Variants in GASK1A observed in about 807,000 individuals in gnomAD.
The protein encoded by GASK1A is golgi associated kinase 1A, also known as Golgi-associated kinase 1A.
In GASK1A, 40 loss-of-function variants were observed where a neutral mutation model predicts 41.2. The observed-to-expected ratio is 0.97, with a 90% CI of 0.75 to 1.27. The LOEUF is 1.27. Among genes scored for constraint, GASK1A ranks in the 50% most tolerant of loss-of-function variants. The pLI is 0.00. For missense variants in GASK1A, 678 were observed against 745.1 expected, an observed-to-expected ratio of 0.91 and a Z score of 1.05; for synonymous variants, 316 against 307.1, an observed-to-expected ratio of 1.03 and a Z score of -0.30.
intron 1 of GASK1A, among the ~76,000 whole-genome samples, chr3:43,015,188 A>G (rs1484359660): frequency 1.3e-5 from 2 of 149,224 alleles, no homozygotes; most frequent in South Asian, 2.2e-4. Context: ...GTGGTGTGAA[A>G]TAACAGGGAG....
intron 2 of GASK1A, among the ~76,000 whole-genome samples, 173 bp downstream of exon 2, chr3:43,033,726 T>G (rs1317548925): frequency 6.6e-6 from 1 of 152,160 alleles, no homozygotes; most frequent in Non-Finnish European, 1.5e-5. Context: ...TATCCAGTGG[T>G]TACTGGAGCC....
intron 2 of GASK1A, among the ~76,000 whole-genome samples, chr3:43,035,086 C>A (rs1259147450): frequency 6.6e-6 from 1 of 152,174 alleles, no homozygotes; most frequent in Non-Finnish European, 1.5e-5. Context: ...GGCATCAGAC[C>A]AACCTGGGTT....
intron 1 of GASK1A, among the ~76,000 whole-genome samples, chr3:43,008,838 G>A (rs970506481): frequency 2.0e-5 from 3 of 152,164 alleles, no homozygotes; most frequent in African/African-American, 2.4e-5. Flanking sequence ...CTCTTCACAC[G>A]CTTTCCTCTC....
At chr3:42,986,757 A>T (rs1021758185) in intron 1 of GASK1A, among the ~76,000 whole-genome samples, 1 of 152,104 alleles carries the variant, frequency 6.6e-6, no homozygotes, top group African/African-American at 2.4e-5. Flanking sequence ...TGCATTTTAG[A>T]GAGCGGTTTT....
At chr3:43,027,003 T>C (rs1260331068) in intron 1 of GASK1A, among the ~76,000 whole-genome samples, 4 of 152,166 alleles carry the variant, frequency 2.6e-5, no homozygotes, top group Non-Finnish European at 5.9e-5. Context: ...GAAAGAATTC[T>C]TAGGGCAGCC....
chr3:42,997,924 G>C (rs2089385542), intron 1 of GASK1A, among the ~76,000 whole-genome samples: 1 of 152,182 alleles, frequency 6.6e-6, no homozygotes, highest in African/African-American at 2.4e-5. Flanking sequence ...GCTCGGTCCT[G>C]CTGGGAACTT....
intron 2 of GASK1A, among the ~76,000 whole-genome samples, chr3:43,033,909 G>A (rs1466352291): frequency 6.6e-6 from 1 of 152,186 alleles, no homozygotes; most frequent in Non-Finnish European, 1.5e-5. Context: ...TATAATCTGT[G>A]CTTTTGCAGC....
intron 1 of GASK1A, among the ~76,000 whole-genome samples, chr3:42,980,042 A>G (rs145780336): frequency 2.6e-3 from 397 of 152,306 alleles, no homozygotes; most frequent in African/African-American, 9.1e-3. Flanking sequence ...GTTCATGTGA[A>G]TTTTATACTA....
intron 1 of GASK1A, among the ~76,000 whole-genome samples, chr3:43,010,567 G>T (rs1460138837): frequency 6.6e-6 from 1 of 152,186 alleles, no homozygotes; most frequent in African/African-American, 2.4e-5. Context: ...TTTCATGAGG[G>T]TGGAGAATTC....
At chr3:43,026,955 G>A (rs1181119285) in intron 1 of GASK1A, among the ~76,000 whole-genome samples, 1 of 152,190 alleles carries the variant, frequency 6.6e-6, no homozygotes, top group East Asian at 1.9e-4. Context: ...AGTCAACACT[G>A]ATAGATCTTA....
chr3:43,039,964 G>T (rs913433431), intron 2 of GASK1A, among the ~76,000 whole-genome samples: 47 of 152,238 alleles, frequency 3.1e-4, no homozygotes, highest in Admixed American at 2.6e-3. Context: ...ATTTCCCTTA[G>T]ATTCAATTGT....
At position 42,986,166 on chromosome 3, in the gene GASK1A, T is replaced by C. The variant is rs149004213; in HGVS notation, c.3+6521T>C. ...GCAATAGAAAAGAACCATAGATCCA[T>C]GCAACAACGTGGAGGGATGTCAAAG... On this transcript the variant is annotated intron_variant, in intron 1 of 4. Coordinates refer to ENST00000430121, the MANE Select transcript of GASK1A (RefSeq NM_001129908.3). Among the ~76,000 whole-genome samples, 1,305 of 152,324 alleles carry C rather than the reference T, an allele frequency of 8.6e-3. 30 individuals carry two copies. Among genetic ancestry groups the C allele is most frequent in the African/African-American group, 0.03 (1,234 of 41,576 alleles).
chr3:43,054,439 AC>A (rs2089706653), intron 3 of GASK1A, among the ~76,000 whole-genome samples: 1 of 152,116 alleles, frequency 6.6e-6, no homozygotes, highest in Non-Finnish European at 1.5e-5. Context: ...GCCATTGTTT[AC>A]CCCTGGTGAG....
At chr3:42,994,744 C>T (rs1315913768) in intron 1 of GASK1A, among the ~76,000 whole-genome samples, 6 of 152,088 alleles carry the variant, frequency 3.9e-5, no homozygotes, top group Non-Finnish European at 8.8e-5. Flanking sequence ...GGCTTTCTCC[C>T]TAATTCTTGG....
At chr3:42,990,497 A>G (rs1270314965) in intron 1 of GASK1A, among the ~76,000 whole-genome samples, 1 of 152,152 alleles carries the variant, frequency 6.6e-6, no homozygotes, top group Non-Finnish European at 1.5e-5. Context: ...ACCCACATTT[A>G]CTAAGTTTTT....
intron 2 of GASK1A, among the ~76,000 whole-genome samples, chr3:43,042,156 A>T (rs1406986005): frequency 6.6e-6 from 1 of 151,944 alleles, no homozygotes; most frequent in Admixed American, 6.6e-5. Context: ...AGGATGAATT[A>T]TTCATTATTC....
At position 43,049,923 on chromosome 3, in the gene GASK1A, T is replaced by TCCC. The variant is rs58959102; in HGVS notation, c.1291-3592_1291-3590dup. Among the ~76,000 whole-genome samples, 198 of 148,802 alleles carry TCCC rather than the reference T, an allele frequency of 1.3e-3. 2 individuals carry two copies. Among genetic ancestry groups the TCCC allele is most frequent in the African/African-American group, 2.0e-3 (81 of 40,864 alleles). On this transcript the variant is annotated intron_variant, in intron 2 of 4. Transcript: ENST00000430121. Reference sequence around the variant, plus strand: ...AAGACTTTCTTTCTATATAAATCTCTCCCCCCCCACTTTTATGCTATTCTT... The same window carrying TCCC: ...AAGACTTTCTTTCTATATAAATCTCTCCCCCCCCCCCACTTTTATGCTATTCTT...
At chr3:43,042,140 G>A (rs745439417) in intron 2 of GASK1A, among the ~76,000 whole-genome samples, 1 of 152,042 alleles carries the variant, frequency 6.6e-6, no homozygotes, top group Non-Finnish European at 1.5e-5. Flanking sequence ...GCTTTTGACT[G>A]AAAATAGGAT....
intron 2 of GASK1A, 141 bp from the exon 3 acceptor site, chr3:43,053,380 C>G (rs1001225538): frequency 1.1e-6 from 1 of 927,070 alleles, no homozygotes. Flanking sequence ...TTAGTAATGA[C>G]CAGCACAGAG....
Sources: allele counts gnomAD v4.1 joint callset (sites outside exome capture counted in the v4.1 genomes callset), GRCh38; gene constraint gnomAD v4.1.1; transcripts MANE v1.5; gene names NCBI Gene and HGNC (gene_info 2026-07-23, HGNC 2026-07-21).